The following ASIC2 variants were observed in gnomAD, a reference collection of about 807,000 sequenced individuals.
ASIC2 encodes acid sensing ion channel subunit 2, also known as acid-sensing ion channel 2.
In ASIC2, 25 loss-of-function variants were observed where a neutral mutation model predicts 57.3. That is an observed-to-expected ratio of 0.44 (90% confidence interval 0.32 to 0.61). The LOEUF is 0.61. Ranked by LOEUF, ASIC2 falls within the 20% of genes least tolerant of loss-of-function variation. The pLI is 0.06. For missense variants in ASIC2, 641 were observed against 738.1 expected, an observed-to-expected ratio of 0.87 and a Z score of 1.52; for synonymous variants, 319 against 307.5, an observed-to-expected ratio of 1.04 and a Z score of -0.39.
chr17:33,742,688 G>A (rs761020567), intron 1 of ASIC2, among the ~76,000 whole-genome samples: 6 of 152,144 alleles, frequency 3.9e-5, no homozygotes, highest in Non-Finnish European at 7.4e-5. Context: ...AATGGGTGGC[G>A]TGGCCCAGAA....
intron 1 of ASIC2, among the ~76,000 whole-genome samples, chr17:34,042,617 T>C (rs1362274978): frequency 2.0e-5 from 3 of 152,248 alleles, no homozygotes; most frequent in South Asian, 2.1e-4. Flanking sequence ...ATGGGGACTA[T>C]GAATTTGTTC....
chr17:33,360,397 C>T (rs140032657), intron 1 of ASIC2, among the ~76,000 whole-genome samples: 2 of 152,286 alleles, frequency 1.3e-5, no homozygotes, highest in South Asian at 2.1e-4. Flanking sequence ...GCTTACCTTG[C>T]CTACAGCAGG....
intron 1 of ASIC2, among the ~76,000 whole-genome samples, chr17:33,729,979 C>T (rs918702962): frequency 6.6e-6 from 1 of 152,146 alleles, no homozygotes; most frequent in African/African-American, 2.4e-5. Context: ...TCTTCCCACA[C>T]CTCACTGCCT....
intron 1 of ASIC2, among the ~76,000 whole-genome samples, chr17:33,612,836 T>C (rs1467197357): frequency 2.6e-5 from 4 of 152,184 alleles, no homozygotes; most frequent in African/African-American, 9.7e-5. Context: ...TGGGATTTAT[T>C]TGTTATTACA....
At chr17:33,138,844 T>C (rs2092376388) in intron 1 of ASIC2, among the ~76,000 whole-genome samples, 1 of 152,236 alleles carries the variant, frequency 6.6e-6, no homozygotes, top group Non-Finnish European at 1.5e-5. Context: ...AAAATGCATA[T>C]TTTAACTGGC....
chr17:33,279,488 G>A lies in ASIC2; in HGVS notation c.708+11920C>T, dbSNP rs185535445. ...CCAGGAGGATGGGAAGAGGGAGGTC[G>A]GTCAAGGTATTAGGTGCTTTCCTGG... On this transcript the variant is annotated intron_variant, in intron 1 of 9. Coordinates refer to ENST00000225823, the MANE Select transcript of ASIC2 (RefSeq NM_183377.2). Among the ~76,000 whole-genome samples the A allele has an allele frequency of 4.2e-3, 645 of 152,278 alleles. 1 individual carries two copies. Among genetic ancestry groups the A allele is most frequent in the Admixed American group, 8.3e-3 (127 of 15,290 alleles).
chr17:34,153,861 AC>A (rs1214497759), intron 1 of ASIC2, among the ~76,000 whole-genome samples: 1 of 152,248 alleles, frequency 6.6e-6, no homozygotes, highest in East Asian at 1.9e-4. Flanking sequence ...AGGCAATTTC[AC>A]TATTTGGGAA....
chr17:33,413,852 C>T (rs1223813678), intron 1 of ASIC2, among the ~76,000 whole-genome samples: 1 of 152,210 alleles, frequency 6.6e-6, no homozygotes, highest in African/African-American at 2.4e-5. Context: ...TGGCACTGGC[C>T]CGGGTTATTT....
intron 1 of ASIC2, among the ~76,000 whole-genome samples, chr17:33,886,982 C>T (rs1914844841): frequency 6.6e-6 from 1 of 152,018 alleles, no homozygotes; most frequent in South Asian, 2.1e-4. Context: ...GCATTTTTTT[C>T]CCATCTTGAC....
At position 33,490,535 on chromosome 17, in the gene ASIC2, C is replaced by T. The variant is rs550905605; in HGVS notation, c.556-378468G>A. ...TCATGGGAGCAAGTGTTTTCCATGC[C>T]GTTCCATTGATAGTGAATAAGTCTC... is the stretch of plus-strand genomic sequence containing the variant. On this transcript the variant is annotated intron_variant, in intron 1 of 9. Coordinates refer to the ASIC2 transcript ENST00000359872. 1.1e-4 allele frequency among the ~76,000 whole-genome samples: 16 copies of T among 152,238 alleles called. No individual in the cohort carries two copies. In the East Asian group the frequency reaches 1.7e-3, roughly 17 times the overall value.
chr17:33,279,573 G>A (rs758241229), intron 1 of ASIC2, among the ~76,000 whole-genome samples: 2 of 152,060 alleles, frequency 1.3e-5, no homozygotes, highest in Non-Finnish European at 2.9e-5. Context: ...ATGGGAGTGA[G>A]GTAGCCAGGG....
At chr17:34,131,859 C>T (rs1353534297) in intron 1 of ASIC2, among the ~76,000 whole-genome samples, 2 of 152,192 alleles carry the variant, frequency 1.3e-5, no homozygotes, top group South Asian at 2.1e-4. Context: ...CGTGTGAAAG[C>T]CTGAGTGCTG....
intron 1 of ASIC2, among the ~76,000 whole-genome samples, chr17:33,281,927 C>T (rs1904966792): frequency 6.6e-6 from 1 of 152,202 alleles, no homozygotes; most frequent in Admixed American, 6.5e-5. Context: ...CTTTCTACTC[C>T]CCCTAACCAC....
At chr17:33,724,710 G>T (rs1909491694) in intron 1 of ASIC2, among the ~76,000 whole-genome samples, 1 of 152,142 alleles carries the variant, frequency 6.6e-6, no homozygotes. Flanking sequence ...GAGAAATCAA[G>T]AATTTGGTTT....
intron 1 of ASIC2, among the ~76,000 whole-genome samples, chr17:34,062,047 T>C (rs1908988962): frequency 6.6e-6 from 1 of 152,160 alleles, no homozygotes; most frequent in African/African-American, 2.4e-5. Context: ...ACCGAACATT[T>C]CATCCAACAA....
At chr17:34,107,487 T>G (rs1442839511) in intron 1 of ASIC2, among the ~76,000 whole-genome samples, 1 of 151,996 alleles carries the variant, frequency 6.6e-6, no homozygotes, top group Non-Finnish European at 1.5e-5. Context: ...CCAGCATGAG[T>G]GACAGAGTAA....
intron 1 of ASIC2, among the ~76,000 whole-genome samples, chr17:34,059,047 G>A (rs1386155802): frequency 6.6e-6 from 1 of 152,174 alleles, no homozygotes; most frequent in Non-Finnish European, 1.5e-5. Context: ...GCAGCATGTG[G>A]AGGCTTGCAC....
chr17:33,676,520 T>C (rs190086676), intron 1 of ASIC2, among the ~76,000 whole-genome samples: 1 of 152,352 alleles, frequency 6.6e-6, no homozygotes, highest in Non-Finnish European at 1.5e-5. Flanking sequence ...GTGGTCTGGA[T>C]AGAAGATCAA....
intron 1 of ASIC2, among the ~76,000 whole-genome samples, chr17:33,737,348 G>T (rs1214261605): frequency 4.6e-5 from 7 of 152,254 alleles, no homozygotes; most frequent in African/African-American, 9.6e-5. Context: ...CCAGGACCAT[G>T]ACCTCAAACC....
Sources: allele counts gnomAD v4.1 joint callset (sites outside exome capture counted in the v4.1 genomes callset), GRCh38; gene constraint gnomAD v4.1.1; transcripts MANE v1.5; gene names NCBI Gene and HGNC (gene_info 2026-07-23, HGNC 2026-07-21).